SF3B3: variants seen among roughly 807,000 people sequenced by gnomAD.
SF3B3 encodes the protein splicing factor 3b subunit 3, also known as SAP 130.
SF3B3 carries 33 observed loss-of-function variants against 139.2 expected under a neutral mutation model. The ratio of observed to expected loss-of-function variants is 0.24; its 90% CI spans 0.18 to 0.32. The LOEUF is 0.32. Among genes scored for constraint, SF3B3 ranks in the 10% least tolerant of loss-of-function variants. SF3B3 has a pLI of 1.00. For synonymous variants in SF3B3, 596 were observed against 563.6 expected, an observed-to-expected ratio of 1.06 and a Z score of -0.81; for missense variants, 818 against 1,509.4, an observed-to-expected ratio of 0.54 and a Z score of 7.59.
At chr16:70,553,548 A>T (rs1463169737) in intron 11 of SF3B3, among the ~76,000 whole-genome samples, 1 of 152,116 alleles carries the variant, frequency 6.6e-6, no homozygotes, top group Non-Finnish European at 1.5e-5. Context: ...GGAAAATCTC[A>T]ACTCTTTTAA....
intron 17 of SF3B3, 69 bp downstream of exon 17, chr16:70,561,853 G>C: frequency 7.1e-7 from 1 of 1,399,854 alleles, no homozygotes; most frequent in South Asian, 1.2e-5. Context: ...GGTTCTGCCA[G>C]AGTGTTGGAG....
intron 9 of SF3B3, 30 bp from the exon 10 acceptor site, chr16:70,544,408 A>C (rs957366082): frequency 7.2e-7 from 1 of 1,388,788 alleles, no homozygotes; most frequent in Non-Finnish European, 1.0e-6. Flanking sequence ...CACTGGAGAC[A>C]TTTTTTCCTC....
Position 70,556,163 on chromosome 16 carries a change from GTCTTT to G in SF3B3, c.1711-15_1711-11del, listed in dbSNP as rs767464778. On this transcript the variant is annotated splice_polypyrimidine_tract_variant and intron_variant, in intron 13 of 25. Coordinates refer to ENST00000302516, the MANE Select transcript of SF3B3 (RefSeq NM_012426.5). ...CCCTCTGTAGTTTTGACCTTGCTGT[GTCTTT>G]CCTCCTGTAGTCAGGACAGCTGAAT... The G allele has an allele frequency of 6.2e-7, 1 of 1,614,066 alleles. No homozygotes were observed. The highest frequency in any genetic ancestry group is 1.1e-5 in the South Asian group (1 of 91,074).
chr16:70,544,743 T>C (rs1264864709), intron 10 of SF3B3, among the ~76,000 whole-genome samples: 1 of 152,228 alleles, frequency 6.6e-6, no homozygotes, highest in African/African-American at 2.4e-5. Flanking sequence ...CAGGCTGGTG[T>C]GCAATGACAT....
At chr16:70,541,546 C>G (rs2050218949) in intron 8 of SF3B3, 123 bp from the exon 9 acceptor site, 4 of 777,068 alleles carry the variant, frequency 5.1e-6, no homozygotes, top group Non-Finnish European at 8.1e-6. Flanking sequence ...AGTGATAACA[C>G]CTAAAAATAA....
At chr16:70,560,109 T>A (rs2050415465) in intron 15 of SF3B3, among the ~76,000 whole-genome samples, 1 of 152,210 alleles carries the variant, frequency 6.6e-6, no homozygotes, top group South Asian at 2.1e-4. Flanking sequence ...TTAGGAACCT[T>A]GTTCCTTTAA....
intron 17 of SF3B3, among the ~76,000 whole-genome samples, chr16:70,562,664 C>T (rs981409244): frequency 6.6e-6 from 1 of 152,108 alleles, no homozygotes; most frequent in Non-Finnish European, 1.5e-5. Context: ...CATCTGTGGC[C>T]CCTACCTCCT....
At chr16:70,571,402 T>TC (rs2050528008) in intron 25 of SF3B3, among the ~76,000 whole-genome samples, 1 of 152,146 alleles carries the variant, frequency 6.6e-6, no homozygotes, top group Non-Finnish European at 1.5e-5. Flanking sequence ...CAAGTGGGGT[T>TC]CAAGTATCGA....
At chr16:70,561,831 A>G (rs894531862) in intron 17 of SF3B3, 47 bp downstream of exon 17, 1 of 1,567,192 alleles carries the variant, frequency 6.4e-7, no homozygotes, top group Non-Finnish European at 8.8e-7. Flanking sequence ...CTTTCTGCCA[A>G]GGGCTCAGAC....
chr16:70,542,594 A>G (rs1597712585), intron 9 of SF3B3, among the ~76,000 whole-genome samples: 1 of 152,210 alleles, frequency 6.6e-6, no homozygotes, highest in Admixed American at 6.5e-5. Context: ...TACTGGGGAA[A>G]CAAGTCAGCA....
intron 9 of SF3B3, among the ~76,000 whole-genome samples, chr16:70,542,228 ATC>A (rs2050225740): frequency 6.7e-6 from 1 of 148,762 alleles, no homozygotes; most frequent in Non-Finnish European, 1.5e-5. Flanking sequence ...TATGTGTTAT[ATC>A]TTTTTCTTTT....
At chr16:70,563,131 C>CT (rs11338540) in intron 17 of SF3B3, among the ~76,000 whole-genome samples, 7 of 151,570 alleles carry the variant, frequency 4.6e-5, no homozygotes, top group African/African-American at 7.3e-5. Context: ...CCATACATGG[C>CT]TTTTTTTTTG....
At position 70,561,749 on chromosome 16, in the gene SF3B3, C is replaced by T. The variant is rs752127411; in HGVS notation, c.2253C>T (p.Pro751=). ...FASGFASEQC[P]EGIVAISTNT... is the part of the protein sequence containing the mutation. ...CGGGTTTTGCCTCGGAACAGTGTCC[C>T]GAGGGCATTGTGGCCATCTCCACCA... The change falls in exon 17 of 26, where the codon CCC becomes CCT. Residue 751 remains proline (P), a synonymous_variant. Coordinates refer to ENST00000302516, the MANE Select transcript of SF3B3 (RefSeq NM_012426.5). 4.3e-6 allele frequency: 7 copies of T among 1,613,858 alleles called. No individual in the cohort carries two copies. The highest frequency in any genetic ancestry group is 1.1e-5 in the South Asian group (1 of 91,076).
chr16:70,543,086 A>C (rs897574857), intron 9 of SF3B3, among the ~76,000 whole-genome samples: 1 of 152,074 alleles, frequency 6.6e-6, no homozygotes, highest in Admixed American at 6.5e-5. Context: ...AATTTGAATA[A>C]ATAATGTGTG....
intron 17 of SF3B3, chr16:70,563,622 C>G: frequency 5.1e-6 from 2 of 391,826 alleles, no homozygotes; most frequent in East Asian, 8.2e-5. Context: ...TTTTGACAAT[C>G]GTTTGTGTTT....
chr16:70,530,691 G>C (rs552314902), intron 3 of SF3B3, 54 bp from the exon 4 acceptor site: 2 of 1,429,732 alleles, frequency 1.4e-6, no homozygotes, highest in East Asian at 2.3e-5. Flanking sequence ...TGTTCTATAA[G>C]TCTCTCTTCT....
At chr16:70,540,732 TAAAA>T in intron 8 of SF3B3, among the ~76,000 whole-genome samples, 1 of 146,780 alleles carries the variant, frequency 6.8e-6, no homozygotes, top group East Asian at 2.0e-4. Context: ...AATTCATGTT[TAAAA>T]AAAAAAAGAA....
At chr16:70,530,574 C>T (rs1446728013) in intron 3 of SF3B3, among the ~76,000 whole-genome samples, 171 bp from the exon 4 acceptor site, 1 of 152,190 alleles carries the variant, frequency 6.6e-6, no homozygotes, top group African/African-American at 2.4e-5. Context: ...CCACCTCAGC[C>T]TCCCAAAGTG....
chr16:70,552,965 C>T (rs559066635), intron 11 of SF3B3, among the ~76,000 whole-genome samples: 1 of 152,314 alleles, frequency 6.6e-6, no homozygotes, highest in South Asian at 2.1e-4. Context: ...GATTGGAGTG[C>T]AGTGGGGCGA....
Sources: gnomAD v4.1 joint callset for allele counts (sites outside exome capture counted in the v4.1 genomes callset) on GRCh38, gnomAD v4.1.1 for gene constraint, MANE v1.5 for transcripts, NCBI Gene and HGNC (gene_info 2026-07-23, HGNC 2026-07-21) for gene names.